KRT33B: variants seen among roughly 807,000 people sequenced by gnomAD.
KRT33B encodes keratin, type I cuticular Ha3-II.
Under a neutral mutation model 42.7 loss-of-function variants are expected in KRT33B, and 37 were observed. The ratio of observed to expected loss-of-function variants is 0.87; its 90% CI spans 0.67 to 1.14. The LOEUF is 1.14. KRT33B is among the 50% of genes most tolerant of loss of function. KRT33B has a pLI of 0.00. For synonymous variants in KRT33B, 237 were observed against 221.2 expected, an observed-to-expected ratio of 1.07 and a Z score of -0.63; for missense variants, 523 against 515.1, an observed-to-expected ratio of 1.02 and a Z score of -0.15.
chr17:41,365,620 T>C (rs2017691157), intron 3 of KRT33B, 67 bp from the exon 4 acceptor site: 1 of 1,547,948 alleles, frequency 6.5e-7, no homozygotes, highest in South Asian at 1.2e-5. Context: ...TTGAGGCAGT[T>C]CAATATAATG....
chr17:41,364,057 T>C, intron 6 of KRT33B, 104 bp from the exon 7 acceptor site: 1 of 779,722 alleles, frequency 1.3e-6, no homozygotes, highest in Non-Finnish European at 2.1e-6. Context: ...TTCTCTGATG[T>C]CCTAGGAAGC....
rs2017690736 is a variant in KRT33B at position 41,365,598 on chromosome 17, T to A, written c.589-45A>T. ...AAATAAACCCACAGAAAGAAGTCTT[T>A]CAATAACTTCTTTGAGGCAGTTCAA... is the stretch of plus-strand genomic sequence containing the variant. On this transcript the variant is annotated intron_variant, in intron 3 of 6. Transcript: ENST00000251646. 5.0e-6 allele frequency: 8 copies of A among 1,588,158 alleles called. No homozygotes were observed. The South Asian group carries it at 8.0e-5, about 16-fold the overall frequency.
At position 41,363,581 on chromosome 17, in the gene KRT33B, T is replaced by C. The variant is rs2017649617; in HGVS notation, c.*255A>G. Reference sequence around the variant, plus strand: ...AGCAGAGAGAACAAAACACCTCGTATGCCACTGTCACAGCTCCAACCTCTG... The same window carrying C: ...AGCAGAGAGAACAAAACACCTCGTACGCCACTGTCACAGCTCCAACCTCTG... On this transcript the variant is annotated 3_prime_UTR_variant, in exon 7 of 7. Transcript: ENST00000251646. 2.7e-6 allele frequency: 1 copy of C among 375,138 alleles called. No homozygotes were observed. The highest frequency in any genetic ancestry group is 4.7e-6 in the Non-Finnish European group (1 of 211,502). 23.2% of individuals were successfully genotyped at this position (375,138 alleles called of 1,614,324 possible). A position where few individuals can be genotyped will look rare whatever the true frequency, so the allele number is the denominator to read the frequency against.
chr17:41,366,385 G>A, intron 3 of KRT33B, 85 bp downstream of exon 3: 1 of 1,516,844 alleles, frequency 6.6e-7, no homozygotes, highest in East Asian at 2.3e-5. Context: ...GGCCTAGGGT[G>A]CTTAGCAAAT....
Position 41,364,992 on chromosome 17 carries a change from G to A in KRT33B, c.884C>T (p.Ser295Phe). 6.2e-7 allele frequency: 1 copy of A among 1,613,340 alleles called. No individual in the cohort carries two copies. Among genetic ancestry groups the A allele is most frequent in the Non-Finnish European group, 8.5e-7 (1 of 1,180,042 alleles). ...ELQAQHNLRYSLENTLTESEA... is the reference protein window; with the variant it reads ...ELQAQHNLRYFLENTLTESEA... ...GCTCTCTGTCAGCGTGTTTTCCAGA[G>A]AGTATCGCTGTGGTGGGAAAGATCA... The change falls in exon 6 of 7, where the codon TCT becomes TTT. Residue 295 changes from serine (S) to phenylalanine (F), a missense_variant. Transcript: ENST00000251646.
chr17:41,368,208 C>CTGGCT (rs2017725417), intron 1 of KRT33B, among the ~76,000 whole-genome samples: 1 of 151,370 alleles, frequency 6.6e-6, no homozygotes, highest in African/African-American at 2.5e-5. Context: ...TTATCTGCTT[C>CTGGCT]TGGCTTCCTG....
In KRT33B at chr17:41,363,958, G is replaced by A. The variant is rs768111687; in HGVS notation, c.1098-5C>T. The A allele has an allele frequency of 3.1e-6, 5 of 1,594,220 alleles. No homozygotes were observed. Among genetic ancestry groups the A allele is most frequent in the Non-Finnish European group, 4.3e-6 (5 of 1,165,274 alleles). On this transcript the variant is annotated splice_region_variant and splice_polypyrimidine_tract_variant and intron_variant, in intron 6 of 6. Transcript: ENST00000251646. The stretch of plus-strand genomic sequence containing the variant: ...GCGCAGGGGTTGGAGGGCAGCCTGG[G>A]ATGCAGAAGCATTAGACTGTCAGCA...
In KRT33B at chr17:41,364,838, C is replaced by A. The variant is rs758048385; in HGVS notation, c.1038G>T (p.Arg346=). The A allele has an allele frequency of 2.1e-5, 34 of 1,612,550 alleles. 1 individual carries two copies. The East Asian group carries it at 5.6e-4, about 26-fold the overall frequency. Residue 346 remains arginine (R), a synonymous_variant, in exon 6 of 7, where the codon CGG becomes CGT. Coordinates refer to ENST00000251646, the MANE Select transcript of KRT33B (RefSeq NM_002279.5). ...TGTTGATCTCACACTCCAGCCGCGC[C>A]CGCACGTCCAGCAGCACCTGATACT... ...NQEYQVLLDV[R]ARLECEINTY...
chr17:41,368,373 T>G (rs2017728196), intron 1 of KRT33B, among the ~76,000 whole-genome samples: 1 of 151,118 alleles, frequency 6.6e-6, no homozygotes, highest in South Asian at 2.1e-4. Context: ...TGCTAACTTC[T>G]CTCCACTCTC....
Position 41,366,508 on chromosome 17 carries a change from T to G in KRT33B, c.550A>C (p.Lys184Gln). The G allele has an allele frequency of 6.2e-7, 1 of 1,612,700 alleles. No homozygotes were observed. Residue 184 changes from lysine to glutamine, a missense_variant, in exon 3 of 7, where the codon AAG becomes CAG. Lys to Gln is a moderately conservative substitution (Grantham distance 53). Transcript: ENST00000251646. ...TGCTTGAGGGACAGCAGCTCCTCCTTCAGGGACTCCATCTGGGCCTCCAGG... is the reference window on the plus strand; with the variant it reads ...TGCTTGAGGGACAGCAGCTCCTCCTGCAGGGACTCCATCTGGGCCTCCAGG... ...SDLEAQMESLKEELLSLKQNH... is the reference protein window; with the variant it reads ...SDLEAQMESLQEELLSLKQNH...
Position 41,364,761 on chromosome 17 carries a change from C to G in KRT33B, c.1097+18G>C. On this transcript the variant is annotated intron_variant, in intron 6 of 6. Transcript: ENST00000251646. Reference sequence around the variant, plus strand: ...CAGTGCCTGTCCCTTGCAGGGGTGCCGTCCGCCAGGTACTCACTTGCAGTC... The same window carrying G: ...CAGTGCCTGTCCCTTGCAGGGGTGCGGTCCGCCAGGTACTCACTTGCAGTC... 3 of 1,612,156 alleles carry G rather than the reference C, an allele frequency of 1.9e-6. No homozygotes were observed. Among genetic ancestry groups the G allele is most frequent in the Non-Finnish European group, 2.5e-6 (3 of 1,179,816 alleles).
At chr17:41,365,591 A>G (rs767596120) in intron 3 of KRT33B, 38 bp from the exon 4 acceptor site, 1 of 1,595,152 alleles carries the variant, frequency 6.3e-7, no homozygotes, top group Admixed American at 1.8e-5. Context: ...CCACAGAAAG[A>G]AGTCTTTCAA....
chr17:41,365,347 C>T (rs2017684822), intron 4 of KRT33B, 45 bp downstream of exon 4: 1 of 1,609,866 alleles, frequency 6.2e-7, no homozygotes, highest in African/African-American at 1.4e-5. Flanking sequence ...CTCCGGGGCC[C>T]TGGGGGGCCT....
At chr17:41,364,723 T>C (rs1447088105) in intron 6 of KRT33B, 56 bp downstream of exon 6, 4 of 1,600,918 alleles carry the variant, frequency 2.5e-6, no homozygotes, top group Non-Finnish European at 3.4e-6. Flanking sequence ...CTCTGTTTTA[T>C]CCTACAGTAG....
At position 41,364,938 on chromosome 17, in the gene KRT33B, T is replaced by C; in HGVS notation, c.938A>G (p.Gln313Arg). ...CACGTTGGTGATCAGGCTCTGCACC[T>C]GGGACAGCTGGGAGCTGTAGCGGGC... The part of the protein sequence containing the change: ...SEARYSSQLS[Q>R]VQSLITNVES... Residue 313 changes from glutamine (Q) to arginine (R), a missense_variant, in exon 6 of 7, where the codon CAG (glutamine) becomes CGG (arginine). By Grantham distance (43) the Gln-to-Arg change is conservative (BLOSUM62 1). Transcript: ENST00000251646. 6.2e-7 allele frequency: 1 copy of C among 1,613,428 alleles called. No individual in the cohort carries two copies. The highest frequency in any genetic ancestry group is 8.5e-7 in the Non-Finnish European group (1 of 1,180,042).
chr17:41,367,326 G>A (rs1307042191), intron 2 of KRT33B, among the ~76,000 whole-genome samples: 1 of 151,396 alleles, frequency 6.6e-6, no homozygotes, highest in African/African-American at 2.5e-5. Context: ...CGTATACAAA[G>A]AGACCAATGT....
rs765850226 is a variant in KRT33B at position 41,366,603 on chromosome 17, C to T, written c.455G>A (p.Arg152Gln). ...RTKYQTEQSLRQLVESDINSL... is the reference protein window; with the variant it reads ...RTKYQTEQSLQQLVESDINSL... ...GTTGATGTCGGACTCCACCAGCTGC[C>T]GCAGGGACTGCTCCGTCTGGTACCT... is the stretch of plus-strand genomic sequence containing the variant. Residue 152 changes from arginine (R) to glutamine (Q), a missense_variant, in exon 3 of 7, where the codon CGG becomes CAG. Coordinates refer to ENST00000251646, the MANE Select transcript of KRT33B (RefSeq NM_002279.5). The T allele has an allele frequency of 2.7e-5, 43 of 1,611,482 alleles. No individual in the cohort carries two copies. The highest frequency in any genetic ancestry group is 4.5e-5 in the East Asian group (2 of 44,850).
In KRT33B at chr17:41,364,819, T is replaced by A; in HGVS notation, c.1057A>T (p.Ile353Phe). 1 of 1,612,902 alleles carries A rather than the reference T, an allele frequency of 6.2e-7. No individual in the cohort carries two copies. Among genetic ancestry groups the A allele is most frequent in the South Asian group, 1.1e-5 (1 of 91,070 alleles). ...TCCAGCAGGCTCCGGTATGTGTTGATCTCACACTCCAGCCGCGCCCGCACG... is the reference window on the plus strand; with the variant it reads ...TCCAGCAGGCTCCGGTATGTGTTGAACTCACACTCCAGCCGCGCCCGCACG... ...LDVRARLECE[I>F]NTYRSLLESE... Residue 353 changes from isoleucine (I) to phenylalanine (F), a missense_variant, in exon 6 of 7, where the codon ATC becomes TTC. By Grantham distance (21) the Ile-to-Phe change is conservative. Transcript: ENST00000251646.
At chr17:41,366,377 C>T (rs1210851654) in intron 3 of KRT33B, 93 bp downstream of exon 3, 14 of 1,463,094 alleles carry the variant, frequency 9.6e-6, no homozygotes, top group African/African-American at 1.5e-5. Flanking sequence ...TGTTGTTAGG[C>T]CTAGGGTGCT....
Sources: allele counts gnomAD v4.1 joint callset (sites outside exome capture counted in the v4.1 genomes callset), GRCh38; gene constraint gnomAD v4.1.1; transcripts MANE v1.5; gene names NCBI Gene and HGNC (gene_info 2026-07-23, HGNC 2026-07-21).